Variants in NOS2 observed in about 807,000 individuals in gnomAD.
NOS2 encodes the protein nitric oxide synthase, inducible.
In NOS2, 96 loss-of-function variants were observed where a neutral mutation model predicts 136.0. That is an observed-to-expected ratio of 0.71 (90% CI 0.60 to 0.84). The LOEUF (loss-of-function observed/expected upper bound fraction) is 0.84, where lower values mean the gene tolerates loss of function less well. Among genes scored for constraint, NOS2 ranks in the 40% least tolerant of loss-of-function variants. The pLI, the probability that NOS2 is intolerant of heterozygous loss-of-function variation, is 0.00. For synonymous variants in NOS2, 539 were observed against 587.5 expected, an observed-to-expected ratio of 0.92 and a Z score of 1.20; for missense variants, 1,237 against 1,496.9, an observed-to-expected ratio of 0.83 and a Z score of 2.87.
At chr17:27,764,322 C>A (rs1324246754) in intron 20 of NOS2, among the ~76,000 whole-genome samples, 178 bp from the exon 21 acceptor site, 1 of 152,062 alleles carries the variant, frequency 6.6e-6, no homozygotes, top group Non-Finnish European at 1.5e-5. Context: ...AAAGGACTGC[C>A]AGGGAAGGCT....
intron 2 of NOS2, 97 bp downstream of exon 2, chr17:27,798,603 G>T: frequency 1.3e-6 from 1 of 765,934 alleles, no homozygotes. Context: ...CCTCAGGTGA[G>T]AGAGGAGGAG....
rs775135778 is a variant in NOS2, at chr17:27,772,380, C to G, written c.1632G>C (p.Ala544=). The change falls in exon 14 of 27, where the codon GCG becomes GCC. Residue 544 remains alanine, a synonymous_variant. Transcript: ENST00000313735. ...ASRVRVTILF[A]TETGKSEALA... is the part of the protein sequence containing the mutation. ...GCGCCTCTGATTTTCCTGTCTCTGT[C>G]GCAAAGAGGATGGTGACTCTGACTC... The G allele has an allele frequency of 3.1e-6, 5 of 1,613,992 alleles. No homozygotes were observed. The highest frequency in any genetic ancestry group is 1.7e-5 in the Admixed American group (1 of 59,996).
chr17:27,770,798 C>T lies in NOS2; in HGVS notation c.1809+115G>A, dbSNP rs1288084096. 10 of 707,634 alleles carry T rather than the reference C, an allele frequency of 1.4e-5. No homozygotes were observed. In the Admixed American group the frequency reaches 2.2e-4, roughly 15 times the overall value. 43.8% of individuals were successfully genotyped at this position (707,634 alleles called of 1,614,324 possible). A position where few individuals can be genotyped will look rare whatever the true frequency, so the allele number is the denominator to read the frequency against. Reference sequence around the variant, plus strand: ...AAATGACCTGAGTGACCCGGAGTGGCCTGAGCACTGACTCCCAAATGTCCT... The same window carrying T: ...AAATGACCTGAGTGACCCGGAGTGGTCTGAGCACTGACTCCCAAATGTCCT... On this transcript the variant is annotated intron_variant, in intron 15 of 26. Transcript: ENST00000313735.
chr17:27,779,288 CTTATTATTATTATTATTATTA>C (rs140152355), intron 9 of NOS2, among the ~76,000 whole-genome samples: 13 of 139,476 alleles, frequency 9.3e-5, no homozygotes, highest in Middle Eastern at 3.6e-3. Context: ...AATTTTTTTC[CTTATTATTATTATTATTATTA>C]TTATTATTAT....
chr17:27,768,946 T>A, intron 17 of NOS2, 31 bp downstream of exon 17: 1 of 1,563,014 alleles, frequency 6.4e-7, no homozygotes, highest in Non-Finnish European at 8.7e-7. Flanking sequence ...GTCATGTCCC[T>A]GCTGTGGGGC....
At chr17:27,795,135 T>C (rs1225211389) in intron 2 of NOS2, among the ~76,000 whole-genome samples, 1 of 152,228 alleles carries the variant, frequency 6.6e-6, no homozygotes, top group African/African-American at 2.4e-5. Flanking sequence ...ACTCGCATTC[T>C]TCATGTACGT....
At chr17:27,764,786 C>G (rs1164095958) in intron 20 of NOS2, among the ~76,000 whole-genome samples, 1 of 152,206 alleles carries the variant, frequency 6.6e-6, no homozygotes, top group East Asian at 1.9e-4. Context: ...GGTGCCGTGC[C>G]TGGTACACAG....
chr17:27,785,710 C>T (rs998301746), intron 5 of NOS2, among the ~76,000 whole-genome samples: 2 of 152,116 alleles, frequency 1.3e-5, no homozygotes, highest in Non-Finnish European at 2.9e-5. Flanking sequence ...GTAATCCCAG[C>T]ACTTTGGGAG....
chr17:27,787,825 A>G lies in NOS2; in HGVS notation c.320T>C (p.Ile107Thr). 6.2e-7 allele frequency: 1 copy of G among 1,609,098 alleles called. No individual in the cohort carries two copies. The change falls in exon 5 of 27, where the codon ATT (isoleucine) becomes ACT (threonine). Residue 107 changes from isoleucine (I) to threonine (T), a missense_variant and splice_region_variant. Physicochemically the swap from Ile to Thr is moderately conservative, Grantham distance 89. Around this residue, in one of 3 missense-constraint regions of NOS2, gnomAD observed 440 missense variants for 545.4 expected, o/e 0.81. Coordinates refer to ENST00000313735, the MANE Select transcript of NOS2 (RefSeq NM_000625.4). ...QDTLHHKAKGILTCRSKSCLG... is the reference protein window; with the variant it reads ...QDTLHHKAKGTLTCRSKSCLG... ...GCAAGATTTGGACCTGCAAGTTAAAATCTGGAAAGAGAGAGGCAGGTGGTG... is the reference window on the plus strand; with the variant it reads ...GCAAGATTTGGACCTGCAAGTTAAAGTCTGGAAAGAGAGAGGCAGGTGGTG...
At chr17:27,758,257 G>T (rs1194695343) in intron 26 of NOS2, among the ~76,000 whole-genome samples, 1 of 152,218 alleles carries the variant, frequency 6.6e-6, no homozygotes, top group Non-Finnish European at 1.5e-5. Context: ...ACCAGAGAGA[G>T]GCAGACTGAA....
At chr17:27,758,172 T>C (rs1196804063) in intron 26 of NOS2, among the ~76,000 whole-genome samples, 1 of 152,208 alleles carries the variant, frequency 6.6e-6, no homozygotes, top group Non-Finnish European at 1.5e-5. Context: ...ACATAGTAGG[T>C]GCTCAATAAA....
chr17:27,758,830 A>C, intron 26 of NOS2, 51 bp downstream of exon 26: 1 of 1,314,516 alleles, frequency 7.6e-7, no homozygotes, highest in African/African-American at 1.5e-5. Context: ...CCTGGCTCCA[A>C]CGGCCTGTGC....
In NOS2 at chr17:27,774,253, T is replaced by C. The variant is rs752197412; in HGVS notation, c.1476+4A>G. ...AGGAAGGAGAGAAGAGGAAGGCCCC[T>C]AACCTGATAGTAGTAGAAAGGGGAC... On this transcript the variant is annotated splice_donor_region_variant and intron_variant, in intron 12 of 26. Transcript: ENST00000313735. The C allele has an allele frequency of 1.3e-6, 2 of 1,485,398 alleles. No individual in the cohort carries two copies. The highest frequency in any genetic ancestry group is 5.0e-5 in the East Asian group (2 of 39,680). 92.0% of individuals were successfully genotyped at this position (1,485,398 alleles called of 1,614,324 possible).
intron 24 of NOS2, 137 bp downstream of exon 24, chr17:27,760,486 G>A: frequency 1.7e-6 from 2 of 1,177,212 alleles, no homozygotes; most frequent in South Asian, 1.4e-5. Flanking sequence ...CTAACCCGCA[G>A]AGGCCCGCAC....
chr17:27,773,115 A>G (rs979596992), intron 13 of NOS2, 46 bp downstream of exon 13: 1 of 1,383,204 alleles, frequency 7.2e-7, no homozygotes, highest in South Asian at 1.2e-5. Context: ...TAGAAGGGAG[A>G]GATATAGTTC....
In NOS2 at chr17:27,788,861, T is replaced by C. The variant is rs987379996; in HGVS notation, c.266A>G (p.Asn89Ser). 6.2e-7 allele frequency: 1 copy of C among 1,614,088 alleles called. No individual in the cohort carries two copies. The highest frequency in any genetic ancestry group is 1.7e-5 in the Admixed American group (1 of 60,016). The change falls in exon 4 of 27, where the codon AAC becomes AGC. Residue 89 changes from asparagine (N) to serine (S), a missense_variant. Transcript: ENST00000313735. Reference sequence around the variant, plus strand: ...TTGGAAAGTCATCCCGCTGCCCCAGTTTTTGATCCTCACATGCCGTGGGGA... The same window carrying C: ...TTGGAAAGTCATCCCGCTGCCCCAGCTTTTGATCCTCACATGCCGTGGGGA... ...LSSPRHVRIK[N>S]WGSGMTFQDT...
intron 22 of NOS2, among the ~76,000 whole-genome samples, chr17:27,762,102 C>G (rs1001668719): frequency 2.0e-5 from 3 of 152,140 alleles, no homozygotes; most frequent in Non-Finnish European, 4.4e-5. Context: ...GCCGAGACCA[C>G]CTGGACGAGA....
At chr17:27,791,104 C>T (rs753924051) in intron 2 of NOS2, among the ~76,000 whole-genome samples, 1 of 152,084 alleles carries the variant, frequency 6.6e-6, no homozygotes, top group African/African-American at 2.4e-5. Context: ...TAATTATATA[C>T]ATTACATAGT....
intron 2 of NOS2, 38 bp downstream of exon 2, chr17:27,798,661 CA>C (rs1246701791): frequency 7.6e-7 from 1 of 1,317,202 alleles, no homozygotes; most frequent in South Asian, 1.2e-5. Flanking sequence ...CATGGGTGCC[CA>C]AGGAGACAAG....
Sources: gnomAD v4.1 joint callset for allele counts (sites outside exome capture counted in the v4.1 genomes callset) on GRCh38, gnomAD v4.1.1 for gene constraint, gnomAD v4.1.1 regional missense constraint, MANE v1.5 for transcripts, NCBI Gene and HGNC (gene_info 2026-07-23, HGNC 2026-07-21) for gene names.